DYNC1I1: variants seen among roughly 807,000 people sequenced by gnomAD.
DYNC1I1 encodes the protein dynein cytoplasmic 1 intermediate chain 1.
In DYNC1I1, 43 loss-of-function variants were observed where a neutral mutation model predicts 86.6. That is an observed-to-expected ratio of 0.50 (90% confidence interval 0.39 to 0.64). The LOEUF is 0.64. DYNC1I1 is among the 30% of genes least tolerant of loss of function. The pLI is 0.00. For missense variants in DYNC1I1, 604 were observed against 788.8 expected (o/e 0.77, Z 2.81); for synonymous variants, 262 against 283.7 (o/e 0.92, Z 0.77).
chr7:95,978,802 AT>A (rs201884666), intron 7 of DYNC1I1, among the ~76,000 whole-genome samples: 93 of 147,806 alleles, frequency 6.3e-4, no homozygotes, highest in South Asian at 1.3e-3. Flanking sequence ...AAATGGGACA[AT>A]TTTTTTTTTT....
At chr7:95,818,786 T>C in intron 4 of DYNC1I1, 1 of 361,506 alleles carries the variant, frequency 2.8e-6, no homozygotes. Context: ...CTTATTCTTT[T>C]ATATTATATG....
At chr7:95,995,790 T>C (rs1793851996) in intron 9 of DYNC1I1, among the ~76,000 whole-genome samples, 158 bp from the exon 10 acceptor site, 1 of 152,166 alleles carries the variant, frequency 6.6e-6, no homozygotes, top group Non-Finnish European at 1.5e-5. Flanking sequence ...GAAACAAGAT[T>C]GCAGGAGGTT....
At chr7:96,014,796 C>T (rs1254034239) in intron 10 of DYNC1I1, among the ~76,000 whole-genome samples, 1 of 152,156 alleles carries the variant, frequency 6.6e-6, no homozygotes, top group African/African-American at 2.4e-5. Context: ...ATTTATCACA[C>T]TGATATTCAT....
intron 6 of DYNC1I1, among the ~76,000 whole-genome samples, chr7:95,916,095 C>A (rs1030165334): frequency 6.6e-6 from 1 of 152,286 alleles, no homozygotes; most frequent in East Asian, 1.9e-4. Flanking sequence ...TCTGTCTGAA[C>A]TGCTTAACAA....
At chr7:95,839,374 T>C (rs1015107025) in intron 5 of DYNC1I1, among the ~76,000 whole-genome samples, 1 of 152,194 alleles carries the variant, frequency 6.6e-6, no homozygotes, top group African/African-American at 2.4e-5. Context: ...AGTATTTTCT[T>C]TGTGGTTATT....
At chr7:96,048,534 C>A (rs186480802) in intron 14 of DYNC1I1, among the ~76,000 whole-genome samples, 1 of 152,192 alleles carries the variant, frequency 6.6e-6, no homozygotes, top group Admixed American at 6.5e-5. Flanking sequence ...TGGGAGCCAA[C>A]AATCTGTGTT....
intron 5 of DYNC1I1, among the ~76,000 whole-genome samples, chr7:95,866,538 G>A (rs1482707373): frequency 1.3e-5 from 2 of 152,130 alleles, no homozygotes; most frequent in African/African-American, 4.8e-5. Context: ...TTGAACCTCA[G>A]TTTTCTCATC....
At chr7:95,820,021 A>C (rs949424613) in intron 4 of DYNC1I1, among the ~76,000 whole-genome samples, 1 of 152,132 alleles carries the variant, frequency 6.6e-6, no homozygotes, top group Non-Finnish European at 1.5e-5. Context: ...GAAGTCCTAC[A>C]TTTCTTATTG....
chr7:95,880,100 TTTA>T (rs774378689), intron 6 of DYNC1I1, among the ~76,000 whole-genome samples: 4 of 152,168 alleles, frequency 2.6e-5, no homozygotes, highest in African/African-American at 4.8e-5. Context: ...TAGTTTGGCC[TTTA>T]TTTGTTTTAT....
At chr7:95,798,260 G>C (rs979541359) in intron 1 of DYNC1I1, among the ~76,000 whole-genome samples, 1 of 152,074 alleles carries the variant, frequency 6.6e-6, no homozygotes, top group Non-Finnish European at 1.5e-5. Context: ...ATAGTGTACT[G>C]ATGGCTGTAA....
At chr7:96,017,329 G>A (rs75207684) in intron 10 of DYNC1I1, among the ~76,000 whole-genome samples, 2 of 152,082 alleles carry the variant, frequency 1.3e-5, no homozygotes, top group African/African-American at 4.8e-5. Flanking sequence ...ATAAAACAAA[G>A]TTTGCCTTCG....
At chr7:95,880,999 G>A (rs1790442940) in intron 6 of DYNC1I1, among the ~76,000 whole-genome samples, 1 of 152,072 alleles carries the variant, frequency 6.6e-6, no homozygotes. Flanking sequence ...TCATTTGGAT[G>A]CTATTTATTT....
intron 10 of DYNC1I1, among the ~76,000 whole-genome samples, chr7:96,026,898 C>T (rs979548389): frequency 2.6e-5 from 4 of 152,120 alleles, no homozygotes; most frequent in South Asian, 2.1e-4. Flanking sequence ...CCACACACTC[C>T]ACATGCTCCT....
chr7:96,099,680 A>G (rs1791097782), downstream of DYNC1I1, among the ~76,000 whole-genome samples: 1 of 152,152 alleles, frequency 6.6e-6, no homozygotes, highest in Non-Finnish European at 1.5e-5. Context: ...TTATAAGGGC[A>G]CTAATCACAT....
intron 10 of DYNC1I1, among the ~76,000 whole-genome samples, chr7:96,022,304 A>T (rs1372439303): frequency 6.6e-6 from 1 of 152,230 alleles, no homozygotes; most frequent in Non-Finnish European, 1.5e-5. Context: ...ACTGAAAGCC[A>T]TGAAAATTCC....
intron 1 of DYNC1I1, among the ~76,000 whole-genome samples, chr7:95,773,924 A>G (rs1793773636): frequency 6.6e-6 from 1 of 152,110 alleles, no homozygotes; most frequent in South Asian, 2.1e-4. Context: ...ATTCAGTGCA[A>G]TTTGCAAGCT....
At chr7:95,925,929 A>C (rs1322951985) in intron 6 of DYNC1I1, among the ~76,000 whole-genome samples, 1 of 152,178 alleles carries the variant, frequency 6.6e-6, no homozygotes, top group African/African-American at 2.4e-5. Flanking sequence ...ACTTCTAATA[A>C]AGTTCCTTAA....
chr7:95,950,830 A>T (rs1401294481), intron 6 of DYNC1I1, among the ~76,000 whole-genome samples: 8 of 152,228 alleles, frequency 5.3e-5, no homozygotes, highest in Non-Finnish European at 1.0e-4. Flanking sequence ...AACAATAAAG[A>T]TCACAAAAAT....
intron 6 of DYNC1I1, among the ~76,000 whole-genome samples, chr7:95,905,732 A>T (rs1791160167): frequency 6.6e-6 from 1 of 150,408 alleles, no homozygotes; most frequent in Admixed American, 6.6e-5. Context: ...GCATTTCATT[A>T]TCCTGTCAAC....
Sources: allele counts gnomAD v4.1 joint callset (sites outside exome capture counted in the v4.1 genomes callset), GRCh38; gene constraint gnomAD v4.1.1; transcripts MANE v1.5; gene names NCBI Gene and HGNC (gene_info 2026-07-23, HGNC 2026-07-21).